LYPD6B: variants seen among roughly 807,000 people sequenced by gnomAD.
LYPD6B encodes ly6/PLAUR domain-containing protein 6B.
A neutral mutation model predicts 22.8 loss-of-function variants in LYPD6B; 17 were observed. The ratio of observed to expected loss-of-function variants is 0.75; its 90% CI spans 0.51 to 1.12. The LOEUF is 1.12. LYPD6B is among the 50% of genes most tolerant of loss of function. The pLI, the probability that LYPD6B is intolerant of heterozygous loss-of-function variation, is 0.00. For synonymous variants in LYPD6B, 106 were observed against 91.6 expected, an observed-to-expected ratio of 1.16 and a Z score of -0.90; for missense variants, 221 against 258.3, an observed-to-expected ratio of 0.86 and a Z score of 0.99.
intron 1 of LYPD6B, among the ~76,000 whole-genome samples, chr2:149,099,146 T>G (rs1419847518): frequency 6.6e-6 from 1 of 152,204 alleles, no homozygotes; most frequent in Non-Finnish European, 1.5e-5. Flanking sequence ...ACACAGGCAC[T>G]TGTCTTAAAT....
chr2:149,117,576 A>G (rs1042116950), intron 1 of LYPD6B, among the ~76,000 whole-genome samples: 1 of 151,930 alleles, frequency 6.6e-6, no homozygotes, highest in Admixed American at 6.6e-5. Flanking sequence ...CATTTTGGGG[A>G]TTTGTCAATG....
intron 1 of LYPD6B, among the ~76,000 whole-genome samples, chr2:149,073,800 C>T (rs962720883): frequency 1.3e-4 from 20 of 152,048 alleles, no homozygotes; most frequent in African/African-American, 4.3e-4. Flanking sequence ...TGTCTCTGAT[C>T]CTTTCCCTTT....
intron 1 of LYPD6B, among the ~76,000 whole-genome samples, chr2:149,075,088 A>G (rs1029135375): frequency 6.6e-6 from 1 of 152,190 alleles, no homozygotes; most frequent in Non-Finnish European, 1.5e-5. Context: ...AGTCATATGG[A>G]GCTGTATTTT....
At chr2:149,187,322 T>C in intron 3 of LYPD6B, 3 of 1,202,296 alleles carry the variant, frequency 2.5e-6, no homozygotes, top group Non-Finnish European at 3.3e-6. Flanking sequence ...ATGAAGTGTA[T>C]TGCATATATT....
At chr2:149,102,538 G>A (rs948152564) in intron 1 of LYPD6B, among the ~76,000 whole-genome samples, 2 of 152,172 alleles carry the variant, frequency 1.3e-5, no homozygotes, top group African/African-American at 4.8e-5. Flanking sequence ...AATTCCTGAG[G>A]GTGGGACCAG....
At chr2:149,054,570 T>C (rs1683703072) in intron 1 of LYPD6B, among the ~76,000 whole-genome samples, 1 of 152,172 alleles carries the variant, frequency 6.6e-6, no homozygotes, top group Non-Finnish European at 1.5e-5. Context: ...AGTAGTATCT[T>C]TTGAAACATG....
At chr2:149,194,428 A>G (rs997771077) in intron 3 of LYPD6B, among the ~76,000 whole-genome samples, 2 of 152,200 alleles carry the variant, frequency 1.3e-5, no homozygotes, top group African/African-American at 4.8e-5. Context: ...GCATTATTTA[A>G]GAGAGTTAAT....
intron 3 of LYPD6B, among the ~76,000 whole-genome samples, chr2:149,186,227 G>A (rs186300409): frequency 2.0e-5 from 3 of 152,328 alleles, no homozygotes; most frequent in East Asian, 1.9e-4. Flanking sequence ...AGTTCTTGAA[G>A]GAAATTAAAA....
At chr2:149,104,081 T>C (rs1367472373) in intron 1 of LYPD6B, among the ~76,000 whole-genome samples, 1 of 152,072 alleles carries the variant, frequency 6.6e-6, no homozygotes, top group Non-Finnish European at 1.5e-5. Flanking sequence ...CCTGGCCATG[T>C]ATATCATTAT....
At chr2:149,083,023 G>A (rs1685207434) in intron 1 of LYPD6B, among the ~76,000 whole-genome samples, 1 of 152,194 alleles carries the variant, frequency 6.6e-6, no homozygotes, top group Non-Finnish European at 1.5e-5. Context: ...TGCTCCTGCT[G>A]TCAGATAATG....
intron 1 of LYPD6B, among the ~76,000 whole-genome samples, chr2:149,062,277 G>A (rs11904324): frequency 0.022 from 3,391 of 152,250 alleles, 123 homozygotes; most frequent in African/African-American, 0.077. Flanking sequence ...GTGAGCCACC[G>A]CGCCCGGCAG....
intron 1 of LYPD6B, among the ~76,000 whole-genome samples, chr2:149,104,256 G>C (rs144094902): frequency 1.8e-3 from 273 of 152,246 alleles, no homozygotes; most frequent in African/African-American, 6.4e-3. Context: ...TTTCTTTTCT[G>C]TTGGGTAAAC....
chr2:149,148,138 A>C (rs987071120), intron 2 of LYPD6B, among the ~76,000 whole-genome samples: 10 of 152,138 alleles, frequency 6.6e-5, no homozygotes, highest in African/African-American at 2.4e-4. Flanking sequence ...AATGCCCTGC[A>C]TTTTCCTTTC....
chr2:149,180,431 C>A (rs1266002406), intron 3 of LYPD6B, among the ~76,000 whole-genome samples: 3 of 152,084 alleles, frequency 2.0e-5, no homozygotes, highest in Non-Finnish European at 4.4e-5. Flanking sequence ...CACAACAGCC[C>A]TTTTCTTAAG....
At chr2:149,102,517 G>A (rs1686263013) in intron 1 of LYPD6B, among the ~76,000 whole-genome samples, 1 of 152,220 alleles carries the variant, frequency 6.6e-6, no homozygotes, top group South Asian at 2.1e-4. Flanking sequence ...GGAATCAATT[G>A]GGGGATTTTG....
intron 3 of LYPD6B, among the ~76,000 whole-genome samples, chr2:149,163,571 A>G (rs554611076): frequency 7.2e-5 from 11 of 152,214 alleles, no homozygotes; most frequent in Admixed American, 6.5e-4. Context: ...AGCTTTGTTT[A>G]TAACAAATGG....
intron 3 of LYPD6B, among the ~76,000 whole-genome samples, chr2:149,189,369 C>CACAT (rs1380964531): frequency 4.1e-4 from 38 of 91,634 alleles, no homozygotes; most frequent in Middle Eastern, 6.3e-3. Flanking sequence ...TATATATATA[C>CACAT]ACACACATAT....
intron 3 of LYPD6B, among the ~76,000 whole-genome samples, chr2:149,169,713 T>C (rs1690690003): frequency 6.6e-6 from 1 of 152,174 alleles, no homozygotes; most frequent in Non-Finnish European, 1.5e-5. Context: ...TTGTCTTCCT[T>C]GAGTTGTGAG....
intron 1 of LYPD6B, among the ~76,000 whole-genome samples, chr2:149,093,382 C>T (rs1163266872): frequency 6.6e-6 from 1 of 152,070 alleles, no homozygotes; most frequent in East Asian, 1.9e-4. Flanking sequence ...TCTAAAGGGA[C>T]CCCACAATAA....
Sources: allele counts gnomAD v4.1 joint callset (sites outside exome capture counted in the v4.1 genomes callset), GRCh38; gene constraint gnomAD v4.1.1; transcripts MANE v1.5; gene names NCBI Gene and HGNC (gene_info 2026-07-23, HGNC 2026-07-21).